MED13L: variants seen among roughly 807,000 people sequenced by gnomAD.
MED13L encodes mediator of RNA polymerase II transcription subunit 13-like.
MED13L carries 7 observed loss-of-function variants against 220.9 expected under a neutral mutation model. That is an observed-to-expected ratio of 0.03 (90% CI 0.02 to 0.06). The LOEUF is 0.06. Among genes scored for constraint, MED13L ranks in the 10% least tolerant of loss-of-function variants. The pLI, the probability that MED13L is intolerant of heterozygous loss-of-function variation, is 1.00. For synonymous variants in MED13L, 1,011 were observed against 1,015.2 expected, an observed-to-expected ratio of 1.00 and a Z score of 0.08; for missense variants, 1,965 against 2,760.5, an observed-to-expected ratio of 0.71 and a Z score of 6.46.
At chr12:116,121,732 G>C (rs1593068714) in intron 2 of MED13L, among the ~76,000 whole-genome samples, 1 of 152,144 alleles carries the variant, frequency 6.6e-6, no homozygotes, top group Non-Finnish European at 1.5e-5. Flanking sequence ...TGAACGTCTA[G>C]ACATCAAAAA....
At chr12:116,084,984 T>C (rs1411285129) in intron 4 of MED13L, among the ~76,000 whole-genome samples, 1 of 152,212 alleles carries the variant, frequency 6.6e-6, no homozygotes, top group Non-Finnish European at 1.5e-5. Context: ...CAATTATATA[T>C]ACTGCGATGT....
In MED13L at chr12:116,162,628, G is replaced by A. The variant is rs560068626; in HGVS notation, c.311-51116C>T. On this transcript the variant is annotated intron_variant, in intron 2 of 30. Coordinates refer to ENST00000281928, the MANE Select transcript of MED13L (RefSeq NM_015335.5). Reference sequence around the variant, plus strand: ...TTAACCTAGAAATTATTTAATCAATGTTTTGAGAAGAATTAAGTACTAGAC... The same window carrying A: ...TTAACCTAGAAATTATTTAATCAATATTTTGAGAAGAATTAAGTACTAGAC... Among the ~76,000 whole-genome samples, 3 of 152,230 alleles carry A rather than the reference G, an allele frequency of 2.0e-5. 1 individual carries two copies. In the South Asian group the frequency reaches 6.2e-4, roughly 32 times the overall value.
intron 4 of MED13L, among the ~76,000 whole-genome samples, chr12:116,057,676 T>TA (rs764907108): frequency 9.2e-5 from 14 of 151,706 alleles, no homozygotes; most frequent in Non-Finnish European, 2.1e-4. Flanking sequence ...GACATGGAGA[T>TA]AGACAGCCCT....
chr12:116,164,412 CATA>C (rs1879102657), intron 2 of MED13L, among the ~76,000 whole-genome samples: 2 of 152,264 alleles, frequency 1.3e-5, no homozygotes, highest in South Asian at 4.1e-4. Flanking sequence ...GACTTAGGAA[CATA>C]ATAACAAAAT....
intron 4 of MED13L, among the ~76,000 whole-genome samples, chr12:116,044,527 C>T (rs1170806335): frequency 6.6e-6 from 1 of 152,130 alleles, no homozygotes; most frequent in African/African-American, 2.4e-5. Flanking sequence ...GGTGGAAATC[C>T]TAACTCCTAA....
At position 115,996,472 on chromosome 12, in the gene MED13L, A is replaced by T. The variant is rs758337680; in HGVS notation, c.2996+4T>A. The stretch of plus-strand genomic sequence containing the variant: ...CAAGTAAATGACACAATCCCTATAC[A>T]TACTTGTAGCCATCTCTAATGAAAG... On this transcript the variant is annotated splice_donor_region_variant and intron_variant, in intron 16 of 30. Coordinates refer to ENST00000281928, the MANE Select transcript of MED13L (RefSeq NM_015335.5). 1.1e-5 allele frequency: 17 copies of T among 1,609,496 alleles called. No homozygotes were observed. Among genetic ancestry groups the T allele is most frequent in the Non-Finnish European group, 1.3e-5 (15 of 1,175,868 alleles).
At chr12:116,263,799 C>T (rs1872656563) in intron 1 of MED13L, among the ~76,000 whole-genome samples, 1 of 152,192 alleles carries the variant, frequency 6.6e-6, no homozygotes, top group Non-Finnish European at 1.5e-5. Context: ...CTACTCTACC[C>T]TTAGGATAAT....
intron 2 of MED13L, among the ~76,000 whole-genome samples, chr12:116,179,140 T>C (rs1332234346): frequency 6.6e-6 from 1 of 152,186 alleles, no homozygotes; most frequent in Non-Finnish European, 1.5e-5. Context: ...GTTATACTTT[T>C]TAATGAATTA....
At chr12:116,019,710 T>G (rs574165691) in intron 6 of MED13L, 68 bp downstream of exon 6, 1 of 1,503,372 alleles carries the variant, frequency 6.7e-7, no homozygotes, top group Admixed American at 1.7e-5. Flanking sequence ...AGAATCTAAA[T>G]GATTATCTTT....
chr12:115,987,432 GA>G (rs1877769613), intron 17 of MED13L, 144 bp from the exon 18 acceptor site: 1 of 716,428 alleles, frequency 1.4e-6, no homozygotes, highest in Non-Finnish European at 2.3e-6. Flanking sequence ...TAGGAGTCAG[GA>G]GGAAAGATAT....
chr12:116,111,376 T>G lies in MED13L; in HGVS notation c.395+52A>C, dbSNP rs958188012. 24 of 1,414,772 alleles carry G rather than the reference T, an allele frequency of 1.7e-5. No homozygotes were observed. In the African/African-American group the frequency reaches 2.0e-4, roughly 12 times the overall value. 87.6% of individuals were successfully genotyped at this position (1,414,772 alleles called of 1,614,324 possible). A position where few individuals can be genotyped will look rare whatever the true frequency, so the allele number is the denominator to read the frequency against. ...AAAATTACAGGAAACTCTCGGTATC[T>G]AGCAATATACTTGGTTGTCTGCAAA... On this transcript the variant is annotated intron_variant, in intron 3 of 30. Coordinates refer to ENST00000281928, the MANE Select transcript of MED13L (RefSeq NM_015335.5).
chr12:116,155,290 G>A (rs1193956481), intron 2 of MED13L, among the ~76,000 whole-genome samples: 2 of 152,010 alleles, frequency 1.3e-5, no homozygotes, highest in Non-Finnish European at 2.9e-5. Context: ...GGTGTGGGTG[G>A]TACACACCCA....
intron 2 of MED13L, among the ~76,000 whole-genome samples, chr12:116,172,966 A>G (rs74741713): frequency 7.9e-5 from 12 of 151,594 alleles, no homozygotes; most frequent in Non-Finnish European, 1.8e-4. Context: ...TCCGTGCTAT[A>G]CAACAGATAA....
chr12:116,198,864 T>C (rs1881822095), intron 2 of MED13L, among the ~76,000 whole-genome samples: 1 of 152,158 alleles, frequency 6.6e-6, no homozygotes, highest in African/African-American at 2.4e-5. Context: ...AGCTGCAGCT[T>C]TGGAAAAAGA....
Position 116,017,439 on chromosome 12 carries a change from T to C in MED13L, c.1009+1785A>G, listed in dbSNP as rs542555913. On this transcript the variant is annotated intron_variant, in intron 7 of 30. Transcript: ENST00000281928. ...ATTGTTAAAAATCCAAATTGTGATG[T>C]GAAATTAAAAACTTCAAAATACTGA... Among the ~76,000 whole-genome samples, 26 of 152,346 alleles carry C rather than the reference T, an allele frequency of 1.7e-4. No homozygotes were observed. In the South Asian group the frequency reaches 5.4e-3, roughly 32 times the overall value.
chr12:116,051,960 C>T (rs1437632929), intron 4 of MED13L, among the ~76,000 whole-genome samples: 1 of 152,064 alleles, frequency 6.6e-6, no homozygotes, highest in Non-Finnish European at 1.5e-5. Context: ...GTTAAGAAAA[C>T]ACTTGCCAAA....
At chr12:116,167,170 AAAG>A (rs1248543112) in intron 2 of MED13L, among the ~76,000 whole-genome samples, 1 of 152,302 alleles carries the variant, frequency 6.6e-6, no homozygotes, top group African/African-American at 2.4e-5. Flanking sequence ...CTCAGGCAGA[AAAG>A]AAACTCTTCA....
Position 116,005,949 on chromosome 12 carries a change from G to A in MED13L, c.2389C>T (p.Leu797Phe). 1 of 1,613,950 alleles carries A rather than the reference G, an allele frequency of 6.2e-7. No individual in the cohort carries two copies. Among genetic ancestry groups the A allele is most frequent in the Non-Finnish European group, 8.5e-7 (1 of 1,179,870 alleles). ...NAAGRAGSSS[L>F]TQVTDLAPSL... ...GGTGCCAAATCTGTTACCTGTGTAAGGCTACTGGAGCCAGCTCTGCCAGCA... is the reference window on the plus strand; with the variant it reads ...GGTGCCAAATCTGTTACCTGTGTAAAGCTACTGGAGCCAGCTCTGCCAGCA... The change falls in exon 13 of 31, where the codon CTT becomes TTT. Residue 797 changes from leucine to phenylalanine, a missense_variant. Leu to Phe is a conservative substitution (Grantham distance 22). Transcript: ENST00000281928.
In MED13L at chr12:116,217,067, T is replaced by C. The variant is rs547160894; in HGVS notation, c.310+20401A>G. ...CTTTGGTGATAATTTGGGAAGTCTT[T>C]CCCTTTACCTTGACAGAGTATCAAC... is the stretch of plus-strand genomic sequence containing the variant. On this transcript the variant is annotated intron_variant, in intron 2 of 30. Coordinates refer to ENST00000281928, the MANE Select transcript of MED13L (RefSeq NM_015335.5). Among the ~76,000 whole-genome samples, 7 of 152,342 alleles carry C rather than the reference T, an allele frequency of 4.6e-5. No individual in the cohort carries two copies. The East Asian group carries it at 1.4e-3, about 29-fold the overall frequency.
Sources: gnomAD v4.1 joint callset for allele counts (sites outside exome capture counted in the v4.1 genomes callset) on GRCh38, gnomAD v4.1.1 for gene constraint, MANE v1.5 for transcripts, NCBI Gene and HGNC (gene_info 2026-07-23, HGNC 2026-07-21) for gene names.